The following RYR3 variants were observed in gnomAD, a reference collection of about 807,000 sequenced individuals.
RYR3 encodes the protein brain ryanodine receptor-calcium release channel.
A neutral mutation model predicts 584.3 loss-of-function variants in RYR3; 207 were observed. The ratio of observed to expected loss-of-function variants is 0.35; its 90% CI spans 0.32 to 0.40. The LOEUF (loss-of-function observed/expected upper bound fraction) is 0.40, where lower values mean the gene tolerates loss of function less well. Among genes scored for constraint, RYR3 ranks in the 10% least tolerant of loss-of-function variants. The pLI, the probability that RYR3 is intolerant of heterozygous loss-of-function variation, is 1.00. For missense variants in RYR3, 5,616 were observed against 6,089.2 expected (o/e 0.92, Z 2.59); for synonymous variants, 2,416 against 2,248.5 (o/e 1.07, Z -2.11).
At chr15:33,604,381 C>T (rs1374198874) in intron 18 of RYR3, among the ~76,000 whole-genome samples, 1 of 152,212 alleles carries the variant, frequency 6.6e-6, no homozygotes, top group Non-Finnish European at 1.5e-5. Context: ...GCTCAGGTCC[C>T]AATGACATGC....
chr15:33,406,029 A>C (rs1271764626), intron 1 of RYR3, among the ~76,000 whole-genome samples: 1 of 152,118 alleles, frequency 6.6e-6, no homozygotes, highest in Admixed American at 6.5e-5. Context: ...TTATGCGCCT[A>C]CCCTTGAACC....
At chr15:33,403,486 A>G (rs758592128) in intron 1 of RYR3, among the ~76,000 whole-genome samples, 4 of 152,220 alleles carry the variant, frequency 2.6e-5, no homozygotes, top group Non-Finnish European at 5.9e-5. Flanking sequence ...TGAAGTGTCA[A>G]TAGTACATTT....
intron 100 of RYR3, 58 bp downstream of exon 100, chr15:33,859,789 C>A (rs2080133785): frequency 2.0e-6 from 3 of 1,510,940 alleles, no homozygotes; most frequent in South Asian, 2.4e-5. Context: ...TTTTTGCTTT[C>A]TTCCATCTAT....
chr15:33,639,987 C>T (rs1417375325), intron 27 of RYR3, among the ~76,000 whole-genome samples: 2 of 152,112 alleles, frequency 1.3e-5, no homozygotes, highest in Non-Finnish European at 2.9e-5. Context: ...CCTCAGAATG[C>T]GACGTCTGGA....
At chr15:33,350,618 A>G (rs1361791983) in intron 1 of RYR3, among the ~76,000 whole-genome samples, 4 of 151,618 alleles carry the variant, frequency 2.6e-5, no homozygotes, top group African/African-American at 4.9e-5. Context: ...ACTCAAAACC[A>G]CTCAACTACA....
chr15:33,669,855 GGGGTGT>G (rs2063724458), intron 37 of RYR3, among the ~76,000 whole-genome samples: 2 of 51,664 alleles, frequency 3.9e-5, no homozygotes, highest in Non-Finnish European at 8.2e-5. Flanking sequence ...GGGGGGGGGG[GGGGTGT>G]GGGTGTGTGG....
chr15:33,687,582 C>A (rs971255213), intron 38 of RYR3, among the ~76,000 whole-genome samples: 8 of 152,216 alleles, frequency 5.3e-5, no homozygotes, highest in African/African-American at 7.2e-5. Flanking sequence ...TAATATGGAA[C>A]CAAAAAAGAG....
intron 1 of RYR3, among the ~76,000 whole-genome samples, chr15:33,449,278 A>G (rs779721439): frequency 7.2e-5 from 11 of 152,160 alleles, no homozygotes; most frequent in Non-Finnish European, 1.3e-4. Context: ...TCTGGTCCTC[A>G]CTGGCTGTTA....
chr15:33,463,372 G>T (rs2142095043), intron 1 of RYR3, among the ~76,000 whole-genome samples: 1 of 152,110 alleles, frequency 6.6e-6, no homozygotes, highest in East Asian at 1.9e-4. Context: ...GCAAGCTTTT[G>T]GGTGTGGTCA....
At chr15:33,359,696 G>A (rs1164271130) in intron 1 of RYR3, among the ~76,000 whole-genome samples, 1 of 151,894 alleles carries the variant, frequency 6.6e-6, no homozygotes, top group Non-Finnish European at 1.5e-5. Flanking sequence ...TCGGCTCACT[G>A]CAAGCTCTGC....
chr15:33,521,112 G>T (rs748442338), intron 3 of RYR3, among the ~76,000 whole-genome samples: 2 of 141,810 alleles, frequency 1.4e-5, no homozygotes, highest in Non-Finnish European at 3.3e-5. Context: ...TACGGCTTTA[G>T]GTGCCCACAG....
chr15:33,631,314 T>C, intron 23 of RYR3, 21 bp downstream of exon 23: 2 of 1,477,010 alleles, frequency 1.4e-6, no homozygotes, highest in Non-Finnish European at 1.9e-6. Flanking sequence ...TTTTTTTTAA[T>C]GGTTCAAGAC....
At chr15:33,574,076 A>G (rs56132512) in intron 12 of RYR3, among the ~76,000 whole-genome samples, 4,597 of 152,234 alleles carry the variant, frequency 0.03, 218 homozygotes, top group African/African-American at 0.1. Flanking sequence ...TCCAGGTGCT[A>G]TATGGAAGCA....
intron 1 of RYR3, among the ~76,000 whole-genome samples, chr15:33,312,093 C>T (rs1188180948): frequency 6.6e-6 from 1 of 152,172 alleles, no homozygotes; most frequent in Non-Finnish European, 1.5e-5. Context: ...TAAACGTTAT[C>T]GTGAATGTCA....
chr15:33,454,398 A>T (rs2047374640), intron 1 of RYR3, among the ~76,000 whole-genome samples: 1 of 152,342 alleles, frequency 6.6e-6, no homozygotes, highest in East Asian at 1.9e-4. Flanking sequence ...ACTAGAAGCT[A>T]ACCTGTGAGT....
At chr15:33,585,877 T>G (rs8039172) in intron 15 of RYR3, 121 bp from the exon 16 acceptor site, 2 of 623,012 alleles carry the variant, frequency 3.2e-6, no homozygotes, top group Non-Finnish European at 5.8e-6. Flanking sequence ...ATTTGATAGA[T>G]TCAAAGAATT....
chr15:33,768,291 T>A (rs909681587), intron 60 of RYR3, among the ~76,000 whole-genome samples: 2 of 152,244 alleles, frequency 1.3e-5, no homozygotes, highest in African/African-American at 4.8e-5. Context: ...GGGAAAATCA[T>A]GCTTTTTTCC....
At chr15:33,449,587 T>C (rs1222832755) in intron 1 of RYR3, among the ~76,000 whole-genome samples, 1 of 152,216 alleles carries the variant, frequency 6.6e-6, no homozygotes, top group African/African-American at 2.4e-5. Context: ...AATACATTTG[T>C]TTTATTAGTA....
chr15:33,685,219 C>T lies in RYR3; in HGVS notation c.5861-10999C>T, dbSNP rs536793668. ...GAGACCCATTTCACGTGCAGAGACA[C>T]ACATAGGCTCAAAACAAAGGGATGG... On this transcript the variant is annotated intron_variant, in intron 38 of 103. Coordinates refer to ENST00000634891, the MANE Select transcript of RYR3 (RefSeq NM_001036.6). Among the ~76,000 whole-genome samples the T allele has an allele frequency of 2.0e-5, 3 of 152,306 alleles. No individual in the cohort carries two copies. The South Asian group carries it at 6.2e-4, about 32-fold the overall frequency.
Sources: allele counts gnomAD v4.1 joint callset (sites outside exome capture counted in the v4.1 genomes callset), GRCh38; gene constraint gnomAD v4.1.1; transcripts MANE v1.5; gene names NCBI Gene and HGNC (gene_info 2026-07-23, HGNC 2026-07-21).